ST3GAL1: variants seen among roughly 807,000 people sequenced by gnomAD.
The protein encoded by ST3GAL1 is ST3 beta-galactoside alpha-2,3-sialyltransferase 1.
In ST3GAL1, 16 loss-of-function variants were observed where a neutral mutation model predicts 34.1. That is an observed-to-expected ratio of 0.47 (90% CI 0.32 to 0.71). ST3GAL1 has a LOEUF of 0.71. Ranked by LOEUF, ST3GAL1 falls within the 30% of genes least tolerant of loss-of-function variation. ST3GAL1 has a pLI of 0.04. For missense variants in ST3GAL1, 353 were observed against 447.4 expected (o/e 0.79, Z 1.90); for synonymous variants, 191 against 184.7 (o/e 1.03, Z -0.28).
chr8:133,554,592 GGGCCACCACCTCCTC>G (rs1387965996), intron 1 of ST3GAL1, among the ~76,000 whole-genome samples: 2 of 152,054 alleles, frequency 1.3e-5, no homozygotes, highest in Non-Finnish European at 2.9e-5. Flanking sequence ...ACCTTCTCCT[GGGCCACCACCTCCTC>G]CTCTTCACAT....
At chr8:133,546,278 T>C (rs1451651294) in intron 1 of ST3GAL1, among the ~76,000 whole-genome samples, 4 of 151,526 alleles carry the variant, frequency 2.6e-5, no homozygotes, top group African/African-American at 9.7e-5. Flanking sequence ...AGGTCAGGAG[T>C]TCATCACCAG....
intron 5 of ST3GAL1, among the ~76,000 whole-genome samples, chr8:133,471,125 G>C (rs910634590): frequency 3.3e-5 from 5 of 152,134 alleles, no homozygotes; most frequent in Non-Finnish European, 7.4e-5. Context: ...CACCACTGGG[G>C]CCTCACCGCA....
At position 133,456,859 on chromosome 8, in the gene ST3GAL1, G is replaced by T. The variant is rs1425490781; in HGVS notation, c.*2905C>A. 1.3e-5 allele frequency: 2 copies of T among 152,262 alleles called. No homozygotes were observed. The highest frequency in any genetic ancestry group is 4.8e-5 in the African/African-American group (2 of 41,448). The allele number at this position is 152,262 out of a possible 1,614,324, so 9.4% of individuals were successfully genotyped here. A position where few individuals can be genotyped will look rare whatever the true frequency, so the allele number is the denominator to read the frequency against. Reference sequence around the variant, plus strand: ...TGCTGAATGGAGACTCGCTGGGAAAGCCCGCCTCCAGACAATTTCAACATA... The same window carrying T: ...TGCTGAATGGAGACTCGCTGGGAAATCCCGCCTCCAGACAATTTCAACATA... On this transcript the variant is annotated 3_prime_UTR_variant, in exon 10 of 10. Transcript: ENST00000522652.
chr8:133,507,673 G>A (rs537148010), intron 2 of ST3GAL1, among the ~76,000 whole-genome samples: 62 of 152,310 alleles, frequency 4.1e-4, no homozygotes, highest in Admixed American at 9.2e-4. Context: ...CCCAAAGGAC[G>A]AGCAGGAAAC....
rs1428343881 is a variant in ST3GAL1, at chr8:133,469,222, GA to G, written c.307-3133del. 2.0e-5 allele frequency among the ~76,000 whole-genome samples: 3 copies of G among 152,000 alleles called. No homozygotes were observed. The highest frequency in any genetic ancestry group is 2.9e-5 in the Non-Finnish European group (2 of 67,986). ...AAATAAATTGATTGATTGATTGATTGATTTGATTTGATTTGATATGGAGTCT... is the reference window on the plus strand; with the variant it reads ...AAATAAATTGATTGATTGATTGATTGTTTGATTTGATTTGATATGGAGTCT... On this transcript the variant is annotated intron_variant, in intron 5 of 9. Coordinates refer to ENST00000522652, the MANE Select transcript of ST3GAL1 (RefSeq NM_173344.3). This position sits in a 1 kb window ranked among gnomAD's most constrained non-coding sequence, Gnocchi z 4.3.
At chr8:133,529,082 C>A (rs1173956024) in intron 2 of ST3GAL1, among the ~76,000 whole-genome samples, 1 of 152,228 alleles carries the variant, frequency 6.6e-6, no homozygotes, top group Non-Finnish European at 1.5e-5. Flanking sequence ...GGTGACCGAG[C>A]AGAGCATACA....
Position 133,551,038 on chromosome 8 carries a change from G to C in ST3GAL1, c.-581-5112C>G, listed in dbSNP as rs1034321819. Among the ~76,000 whole-genome samples the C allele has an allele frequency of 2.0e-5, 3 of 152,132 alleles. 1 individual carries two copies. The highest frequency in any genetic ancestry group is 7.2e-5 in the African/African-American group (3 of 41,424). On this transcript the variant is annotated intron_variant, in intron 1 of 9. Coordinates refer to ENST00000522652, the MANE Select transcript of ST3GAL1 (RefSeq NM_173344.3). Reference sequence around the variant, plus strand: ...TCATCTGGATAACTGTTACCACTGGGTCTGGCTGAATACTATTGCTGCATT... The same window carrying C: ...TCATCTGGATAACTGTTACCACTGGCTCTGGCTGAATACTATTGCTGCATT...
intron 1 of ST3GAL1, among the ~76,000 whole-genome samples, chr8:133,549,810 A>G (rs941055930): frequency 3.5e-4 from 53 of 151,998 alleles, no homozygotes; most frequent in Non-Finnish European, 1.0e-4. Context: ...TAAAAATACA[A>G]AATTAGCCAG....
intron 2 of ST3GAL1, among the ~76,000 whole-genome samples, chr8:133,518,398 G>A (rs1817706498): frequency 6.6e-6 from 1 of 152,198 alleles, no homozygotes. Flanking sequence ...GTGTAATAAA[G>A]TCCCCATTTA....
chr8:133,465,067 G>T, intron 6 of ST3GAL1, 110 bp from the exon 7 acceptor site: 2 of 1,079,192 alleles, frequency 1.9e-6, no homozygotes, highest in Non-Finnish European at 1.3e-6. Flanking sequence ...GGTGTCACCT[G>T]CCTTCCCCGG....
At position 133,499,936 on chromosome 8, in the gene ST3GAL1, G is replaced by T. The variant is rs535247335; in HGVS notation, c.-428-747C>A. 3.9e-5 allele frequency among the ~76,000 whole-genome samples: 6 copies of T among 152,302 alleles called. No homozygotes were observed. The East Asian group carries it at 1.2e-3, about 29-fold the overall frequency. On this transcript the variant is annotated intron_variant, in intron 2 of 9. Coordinates refer to ENST00000522652, the MANE Select transcript of ST3GAL1 (RefSeq NM_173344.3). ...GGGCAGGGGCGGGAGGTAGTTCTGAGTCTGGCATATTCTTCTAACTGGCAG... is the reference window on the plus strand; with the variant it reads ...GGGCAGGGGCGGGAGGTAGTTCTGATTCTGGCATATTCTTCTAACTGGCAG...
At chr8:133,554,835 T>G (rs1365546083) in intron 1 of ST3GAL1, among the ~76,000 whole-genome samples, 1 of 151,510 alleles carries the variant, frequency 6.6e-6, no homozygotes, top group Non-Finnish European at 1.5e-5. Context: ...CAAGCGATTC[T>G]CGTGCCTCAG....
At chr8:133,509,378 G>A (rs1170419094) in intron 2 of ST3GAL1, among the ~76,000 whole-genome samples, 1 of 152,236 alleles carries the variant, frequency 6.6e-6, no homozygotes, top group Non-Finnish European at 1.5e-5. Flanking sequence ...GACAGACGTG[G>A]GTTCCACCCT....
At chr8:133,558,369 A>C (rs1234226837) in intron 1 of ST3GAL1, among the ~76,000 whole-genome samples, 1 of 152,188 alleles carries the variant, frequency 6.6e-6, no homozygotes, top group Non-Finnish European at 1.5e-5. Flanking sequence ...ATGGATGAGG[A>C]AAGGGAAGTA....
In ST3GAL1 at chr8:133,545,900, G is replaced by A. The variant is rs1818659857; in HGVS notation, c.-555C>T. 1 of 152,144 alleles carries A rather than the reference G, an allele frequency of 6.6e-6. No homozygotes were observed. The highest frequency in any genetic ancestry group is 6.5e-5 in the Admixed American group (1 of 15,270). The allele number at this position is 152,144 out of a possible 1,614,324, so 9.4% of individuals were successfully genotyped here. On this transcript the variant is annotated 5_prime_UTR_variant, in exon 2 of 10. Transcript: ENST00000522652. ...CCTCTCATTGACATTTCCAGTTTAG[G>A]AAGATGAAATCTGAAAATGGTACCA...
intron 3 of ST3GAL1, among the ~76,000 whole-genome samples, chr8:133,487,473 G>T (rs1816651617): frequency 6.6e-6 from 1 of 152,096 alleles, no homozygotes; most frequent in Non-Finnish European, 1.5e-5. Context: ...AAGAAGAAAT[G>T]GCATGTGTGA....
rs149724877 is a variant in ST3GAL1, at chr8:133,483,028, A to T, written c.-373-6428T>A. Among the ~76,000 whole-genome samples the T allele has an allele frequency of 2.3e-3, 356 of 152,320 alleles. 1 individual carries two copies. The highest frequency in any genetic ancestry group is 8.4e-3 in the African/African-American group (348 of 41,574). On this transcript the variant is annotated intron_variant, in intron 3 of 9. Coordinates refer to ENST00000522652, the MANE Select transcript of ST3GAL1 (RefSeq NM_173344.3). ...GCCCTCTCTGATCCTCAATTCCTGA[A>T]TCTACAAAATAGGATTAAAAATGCT...
chr8:133,492,330 T>G (rs189068208), intron 3 of ST3GAL1, among the ~76,000 whole-genome samples: 1 of 152,292 alleles, frequency 6.6e-6, no homozygotes, highest in East Asian at 1.9e-4. Context: ...GTCCCTAAAG[T>G]GCACCAACTC....
At chr8:133,544,281 A>C (rs1050929269) in intron 2 of ST3GAL1, among the ~76,000 whole-genome samples, 9 of 151,662 alleles carry the variant, frequency 5.9e-5, no homozygotes, top group Admixed American at 3.9e-4. Flanking sequence ...ACCAAGCAGA[A>C]CCTCCTGCCA....
Sources: gnomAD v4.1 joint callset for allele counts (sites outside exome capture counted in the v4.1 genomes callset) on GRCh38, gnomAD v4.1.1 for gene constraint, Gnocchi (gnomAD v3.1) non-coding constraint, MANE v1.5 for transcripts, NCBI Gene and HGNC (gene_info 2026-07-23, HGNC 2026-07-21) for gene names.